The following SPC25 variants were observed in gnomAD, a reference collection of about 807,000 sequenced individuals.
The protein encoded by SPC25 is kinetochore protein Spc25.
A neutral mutation model predicts 29.6 loss-of-function variants in SPC25; 22 were observed. The ratio of observed to expected loss-of-function variants is 0.74; its 90% CI spans 0.53 to 1.06. The LOEUF (loss-of-function observed/expected upper bound fraction) is 1.06. Ranked by LOEUF, SPC25 falls within the 50% of genes least tolerant of loss-of-function variation. The pLI is 0.00. For synonymous variants in SPC25, 91 were observed against 90.4 expected (o/e 1.01, Z -0.04); for missense variants, 230 against 255.8 (o/e 0.90, Z 0.69).
At chr2:168,866,946 C>A (rs367716998), downstream of SPC25, among the ~76,000 whole-genome samples, 203 of 137,688 alleles carry the variant, frequency 1.5e-3, 2 homozygotes, top group Non-Finnish European at 2.1e-3. Context: ...CCAGTTAGAA[C>A]GGCAATCATT....
At chr2:168,864,765 C>G (rs1252855322) in intron 4 of SPC25, 46 of 1,570,232 alleles carry the variant, frequency 2.9e-5, no homozygotes, top group Non-Finnish European at 1.3e-5. Flanking sequence ...CTCCTTAAAA[C>G]TCTTATCAAT....
intron 5 of SPC25, among the ~76,000 whole-genome samples, chr2:168,873,887 A>G (rs1235878397): frequency 6.6e-6 from 1 of 152,180 alleles, no homozygotes; most frequent in African/African-American, 2.4e-5. Flanking sequence ...GAAAAACTAG[A>G]TAAATTGGAC....
At chr2:168,880,227 C>G (rs2105829528) in intron 3 of SPC25, among the ~76,000 whole-genome samples, 1 of 152,310 alleles carries the variant, frequency 6.6e-6, no homozygotes, top group African/African-American at 2.4e-5. Context: ...TAGAAAACTG[C>G]TTTTTCATCT....
At chr2:168,863,731 T>A (rs2105805951) in intron 4 of SPC25, 1 of 854,180 alleles carries the variant, frequency 1.2e-6, no homozygotes, top group Admixed American at 6.2e-5. Flanking sequence ...TGTCTTGATC[T>A]TAAGAAAAGA....
intron 4 of SPC25, chr2:168,863,468 G>A: frequency 2.0e-6 from 2 of 985,130 alleles, no homozygotes; most frequent in Non-Finnish European, 2.4e-6. Flanking sequence ...ATCCTGACGG[G>A]GGCAGATGAT....
At chr2:168,875,935 A>T (rs895960275) in intron 5 of SPC25, 137 bp downstream of exon 5, 1 of 464,256 alleles carries the variant, frequency 2.2e-6, no homozygotes, top group African/African-American at 2.0e-5. Context: ...ATAATTTAAA[A>T]ATTGTAATTT....
chr2:168,862,009 T>C lies in SPC25; in HGVS notation n.419+11576A>G, dbSNP rs778947014. ...GCAGACTTTGCAAGGCCTTGTATTC[T>C]TTTCAAGCCAGGCAAGATGATGAGT... On this transcript the variant is annotated intron_variant and non_coding_transcript_variant, in intron 4 of 4. Transcript: ENST00000479309. 6 of 1,614,212 alleles carry C rather than the reference T, an allele frequency of 3.7e-6. No individual in the cohort carries two copies. In the South Asian group the frequency reaches 6.6e-5, roughly 18 times the overall value.
intron 5 of SPC25, 87 bp from the exon 6 acceptor site, chr2:168,873,770 C>T: frequency 6.1e-6 from 5 of 819,072 alleles, no homozygotes. Flanking sequence ...ATCTGCACTG[C>T]TAAGTATATA....
At chr2:168,870,511 G>A (rs1281333317), downstream of SPC25, among the ~76,000 whole-genome samples, 1 of 151,630 alleles carries the variant, frequency 6.6e-6, no homozygotes, top group Admixed American at 6.6e-5. Flanking sequence ...AAATTTACAA[G>A]AAAAAAACAA....
Position 168,890,359 on chromosome 2 carries a change from G to C in SPC25, c.-56C>G, listed in dbSNP as rs1348816808. 1.0e-6 allele frequency: 1 copy of C among 985,344 alleles called. No individual in the cohort carries two copies. The highest frequency in any genetic ancestry group is 6.2e-5 in the Admixed American group (1 of 16,258). The allele number at this position is 985,344 out of a possible 1,614,324, so 61.0% of individuals were successfully genotyped here. On this transcript the variant is annotated 5_prime_UTR_variant, in exon 1 of 7. The change creates a new upstream start codon in the 5' untranslated region. Transcript: ENST00000282074. ...GAGTCCCGCCGCCTTCCCCACACCA[G>C]ATCCGCGCCCACTCTAGCCAACAGC...
chr2:168,874,163 GC>G (rs1690045714), intron 5 of SPC25, among the ~76,000 whole-genome samples: 3 of 152,118 alleles, frequency 2.0e-5, no homozygotes, highest in Admixed American at 2.0e-4. Flanking sequence ...GTAAATGCAA[GC>G]CGAAACTACA....
At chr2:168,870,727 G>A (rs557684073), downstream of SPC25, among the ~76,000 whole-genome samples, 334 of 151,476 alleles carry the variant, frequency 2.2e-3, 14 homozygotes, top group African/African-American at 7.8e-3. Flanking sequence ...GAGAGGATGT[G>A]GAGAAATAGG....
downstream of SPC25, among the ~76,000 whole-genome samples, chr2:168,869,393 A>G (rs9751269): frequency 0.31 from 46,810 of 152,070 alleles, 8,186 homozygotes; most frequent in East Asian, 0.58. Context: ...AGGGCATTCA[A>G]TTAGGAAAAG....
chr2:168,880,996 G>A (rs924111942), intron 3 of SPC25, among the ~76,000 whole-genome samples: 7 of 152,188 alleles, frequency 4.6e-5, no homozygotes, highest in African/African-American at 1.7e-4. Flanking sequence ...ACATGTGACA[G>A]ATACGAAGTC....
chr2:168,879,013 T>C (rs182266264), intron 3 of SPC25, among the ~76,000 whole-genome samples: 4 of 152,224 alleles, frequency 2.6e-5, no homozygotes, highest in Non-Finnish European at 5.9e-5. Flanking sequence ...CAAATGTACA[T>C]ATCTTAATTA....
chr2:168,889,259 G>A lies in SPC25; in HGVS notation c.166C>T (p.Arg56Ter), dbSNP rs1690349126. ...TATTCCAGAAACATCTCAACCATTC[G>A]TTCTTCTTCCTTTAATTTCACAGAC... is the stretch of plus-strand genomic sequence containing the variant. The part of the protein sequence containing the change: ...KLSVKLKEEE[R>*]MVEMFLEYQN... The change falls in exon 3 of 7, where the codon CGA (arginine) becomes TGA (stop). Residue 56 changes from arginine (R) to a stop codon, truncating the protein, a stop_gained. Transcript: ENST00000282074. LOFTEE classifies it high-confidence loss of function. 1.2e-6 allele frequency: 2 copies of A among 1,613,118 alleles called. No homozygotes were observed. Among genetic ancestry groups the A allele is most frequent in the South Asian group, 1.1e-5 (1 of 91,024 alleles).
chr2:168,889,602 T>A, intron 1 of SPC25, 69 bp from the exon 2 acceptor site: 1 of 1,479,716 alleles, frequency 6.8e-7, no homozygotes, highest in South Asian at 1.3e-5. Flanking sequence ...TCCAATCGGG[T>A]ATACAGTATT....
chr2:168,880,505 T>C (rs1690160187), intron 3 of SPC25, among the ~76,000 whole-genome samples: 1 of 152,242 alleles, frequency 6.6e-6, no homozygotes, highest in Admixed American at 6.5e-5. Context: ...TGTGGTTTGT[T>C]TGCTCTTCTA....
At chr2:168,868,331 A>C (rs975393470), downstream of SPC25, among the ~76,000 whole-genome samples, 1 of 152,240 alleles carries the variant, frequency 6.6e-6, no homozygotes, top group Non-Finnish European at 1.5e-5. Flanking sequence ...AAAAGCTAGC[A>C]AAAGGCAAGA....
Sources: allele counts gnomAD v4.1 joint callset (sites outside exome capture counted in the v4.1 genomes callset), GRCh38; gene constraint gnomAD v4.1.1; transcripts MANE v1.5; gene names NCBI Gene and HGNC (gene_info 2026-07-23, HGNC 2026-07-21).